The following SMG5 variants were observed in gnomAD, a reference collection of about 807,000 sequenced individuals.
SMG5 encodes the protein SMG5 nonsense mediated mRNA decay factor.
Under a neutral mutation model 122.9 loss-of-function variants are expected in SMG5, and 53 were observed. That is an observed-to-expected ratio of 0.43 (90% CI 0.35 to 0.54). The LOEUF is 0.54. SMG5 is among the 20% of genes least tolerant of loss of function. SMG5 has a pLI of 0.01. For synonymous variants in SMG5, 477 were observed against 490.2 expected, an observed-to-expected ratio of 0.97 and a Z score of 0.35; for missense variants, 1,153 against 1,285.6, an observed-to-expected ratio of 0.90 and a Z score of 1.58.
chr1:156,261,414 G>A lies in SMG5; in HGVS notation c.2032-6C>T, dbSNP rs756127604. 6.8e-6 allele frequency: 11 copies of A among 1,613,854 alleles called. No homozygotes were observed. Among genetic ancestry groups the A allele is most frequent in the Non-Finnish European group, 8.5e-6 (10 of 1,179,714 alleles). On this transcript the variant is annotated splice_region_variant and splice_polypyrimidine_tract_variant and intron_variant, in intron 13 of 21. Transcript: ENST00000361813. The stretch of plus-strand genomic sequence containing the variant: ...TTCCACAGACTTTGAGAGCTCTGGG[G>A]AGAGAGAAGGGAGAGGAGGCCTTCA...
intron 11 of SMG5, 77 bp downstream of exon 11, chr1:156,266,464 C>A: frequency 6.2e-7 from 1 of 1,606,112 alleles, no homozygotes; most frequent in Non-Finnish European, 8.5e-7. Context: ...CCACTTCCCC[C>A]GAGTCTGTGT....
chr1:156,254,616 G>T (rs971723153), intron 16 of SMG5, among the ~76,000 whole-genome samples: 1 of 152,012 alleles, frequency 6.6e-6, no homozygotes, highest in African/African-American at 2.4e-5. Flanking sequence ...GCTAATTTTG[G>T]TATTTTTTGT....
chr1:156,275,367 G>A (rs1662636393), intron 4 of SMG5, among the ~76,000 whole-genome samples: 2 of 152,260 alleles, frequency 1.3e-5, no homozygotes, highest in African/African-American at 4.8e-5. Flanking sequence ...GAAACTGCCT[G>A]GTAACTTCAG....
Position 156,277,930 on chromosome 1 carries a change from T to A in SMG5, c.292A>T (p.Lys98Ter). 6.2e-7 allele frequency: 1 copy of A among 1,613,990 alleles called. No homozygotes were observed. The highest frequency in any genetic ancestry group is 8.5e-7 in the Non-Finnish European group (1 of 1,179,892). The change falls in exon 3 of 22, where the codon AAA (lysine) becomes TAA (stop). Residue 98 changes from lysine (K) to a stop codon, truncating the protein, a stop_gained. Coordinates refer to ENST00000361813, the MANE Select transcript of SMG5 (RefSeq NM_015327.3). LOFTEE classifies it high-confidence loss of function. ...YEVIQLIKTNKKHIHSRSTLE... is the reference protein window; with the variant it reads ...YEVIQLIKTN ...AGACAAGGACTTCCCCTTACCTTTTTGTTAGTCTTGATAAGCTGGATAACT... is the reference window on the plus strand; with the variant it reads ...AGACAAGGACTTCCCCTTACCTTTTAGTTAGTCTTGATAAGCTGGATAACT...
chr1:156,256,609 A>T (rs140876441), intron 16 of SMG5, among the ~76,000 whole-genome samples: 1 of 152,194 alleles, frequency 6.6e-6, no homozygotes, highest in East Asian at 1.9e-4. Flanking sequence ...GGTGAGTGAG[A>T]TCCGCCTGGA....
At chr1:156,256,306 C>CTTTTTTTTTTTTTTTTTTTTTTTTT (rs1661572890) in intron 16 of SMG5, among the ~76,000 whole-genome samples, 1 of 138,204 alleles carries the variant, frequency 7.2e-6, no homozygotes, top group Non-Finnish European at 1.6e-5. Context: ...GAGCCATCTT[C>CTTTTTTTTTTTTTTTTTTTTTTTTT]TCTCTTTTTT....
In SMG5 at chr1:156,261,413, G is replaced by A. The variant is rs1661829852; in HGVS notation, c.2032-5C>T. Reference sequence around the variant, plus strand: ...GTTCCACAGACTTTGAGAGCTCTGGGGAGAGAGAAGGGAGAGGAGGCCTTC... The same window carrying A: ...GTTCCACAGACTTTGAGAGCTCTGGAGAGAGAGAAGGGAGAGGAGGCCTTC... On this transcript the variant is annotated splice_region_variant and splice_polypyrimidine_tract_variant and intron_variant, in intron 13 of 21. Coordinates refer to ENST00000361813, the MANE Select transcript of SMG5 (RefSeq NM_015327.3). 4 of 1,613,768 alleles carry A rather than the reference G, an allele frequency of 2.5e-6. No homozygotes were observed. Among genetic ancestry groups the A allele is most frequent in the East Asian group, 2.2e-5 (1 of 44,868 alleles).
chr1:156,285,816 G>A (rs770744177), upstream of SMG5: 2 of 1,613,698 alleles, frequency 1.2e-6, no homozygotes, highest in Admixed American at 1.7e-5. Flanking sequence ...GACCGTGAGT[G>A]GCTAAGGGCT....
At chr1:156,281,981 G>A (rs1212319473) in intron 1 of SMG5, among the ~76,000 whole-genome samples, 2 of 152,148 alleles carry the variant, frequency 1.3e-5, no homozygotes, top group East Asian at 1.9e-4. Context: ...GGAGTCCCCA[G>A]GTGCCCGGAA....
intron 13 of SMG5, 21 bp from the exon 14 acceptor site, chr1:156,261,429 G>T: frequency 6.2e-7 from 1 of 1,606,456 alleles, no homozygotes. Context: ...AGAAGGGAGA[G>T]GAGGCCTTCA....
upstream of SMG5, chr1:156,286,104 C>A (rs1663151923): frequency 6.9e-7 from 1 of 1,439,838 alleles, no homozygotes; most frequent in Non-Finnish European, 9.4e-7. Flanking sequence ...GTCTCCCACC[C>A]CCTGCCAGTC....
intron 2 of SMG5, among the ~76,000 whole-genome samples, chr1:156,278,555 C>T (rs138107412): frequency 6.6e-6 from 1 of 152,078 alleles, no homozygotes; most frequent in Non-Finnish European, 1.5e-5. Flanking sequence ...TTTGTGGAGA[C>T]TGGGTCTTGT....
Position 156,252,450 on chromosome 1 carries a change from A to C in SMG5, c.2717T>G (p.Ile906Ser). 1 of 1,613,946 alleles carries C rather than the reference A, an allele frequency of 6.2e-7. No individual in the cohort carries two copies. The highest frequency in any genetic ancestry group is 8.5e-7 in the Non-Finnish European group (1 of 1,179,976). The stretch of plus-strand genomic sequence containing the variant: ...TTTAAACTCTGCCTCCAGGTACCGA[A>C]TCCCATCCCGGGCCCCTGGGTGTTC... ...KKEHPGARDGIRYLEAEFKKG... is the reference protein window; with the variant it reads ...KKEHPGARDGSRYLEAEFKKG... Residue 906 changes from isoleucine to serine, a missense_variant, in exon 19 of 22, where the codon ATT (isoleucine) becomes AGT (serine). Coordinates refer to ENST00000361813, the MANE Select transcript of SMG5 (RefSeq NM_015327.3).
intron 4 of SMG5, 27 bp from the exon 5 acceptor site, chr1:156,274,713 TA>T (rs1266907161): frequency 5.0e-6 from 8 of 1,595,834 alleles, no homozygotes; most frequent in Non-Finnish European, 6.9e-6. Flanking sequence ...AAGAGATTTG[TA>T]GGCCCATTCT....
At chr1:156,285,622 T>G (rs1443973673), upstream of SMG5, 2 of 1,614,184 alleles carry the variant, frequency 1.2e-6, no homozygotes, top group East Asian at 4.5e-5. Context: ...TCGTGCCTAT[T>G]GACCTACAGT....
the SMG5 span, chr1:156,289,991 A>G: frequency 3.3e-5 from 5 of 152,294 alleles, no homozygotes; most frequent in Admixed American, 2.0e-4. Flanking sequence ...TGGCTTTGCT[A>G]TTTCCCAGAT....
upstream of SMG5, among the ~76,000 whole-genome samples, chr1:156,283,868 T>C (rs1043677268): frequency 1.3e-5 from 2 of 152,208 alleles, no homozygotes; most frequent in African/African-American, 2.4e-5. Context: ...CCTATTAAAA[T>C]TGTCTAATTG....
intron 20 of SMG5, 103 bp downstream of exon 20, chr1:156,251,300 T>C (rs975086450): frequency 7.4e-6 from 10 of 1,356,490 alleles, no homozygotes; most frequent in Admixed American, 1.7e-5. Context: ...AGGCTACGTG[T>C]GGAGCCTCAG....
At chr1:156,277,298 C>A in intron 3 of SMG5, 57 bp from the exon 4 acceptor site, 1 of 1,539,284 alleles carries the variant, frequency 6.5e-7, no homozygotes, top group Non-Finnish European at 8.8e-7. Context: ...GTCGCACTCA[C>A]CCTCCCTTAC....
Sources: allele counts gnomAD v4.1 joint callset (sites outside exome capture counted in the v4.1 genomes callset), GRCh38; gene constraint gnomAD v4.1.1; transcripts MANE v1.5; gene names NCBI Gene and HGNC (gene_info 2026-07-23, HGNC 2026-07-21).